ZNF592: variants seen among roughly 807,000 people sequenced by gnomAD.
ZNF592 encodes the protein zinc finger protein 592, also known as spinocerebellar ataxia, autosomal recessive 5.
In ZNF592, 11 loss-of-function variants were observed where a neutral mutation model predicts 80.3. The ratio of observed to expected loss-of-function variants is 0.14; its 90% CI spans 0.09 to 0.23. The LOEUF (loss-of-function observed/expected upper bound fraction) is 0.23, where lower values mean the gene tolerates loss of function less well. Among genes scored for constraint, ZNF592 ranks in the 10% least tolerant of loss-of-function variants. The pLI is 1.00. For missense variants in ZNF592, 1,420 were observed against 1,633.9 expected (o/e 0.87, Z 2.26); for synonymous variants, 646 against 640.3 (o/e 1.01, Z -0.13).
At chr15:84,790,556 G>A in intron 4 of ZNF592, 149 bp from the exon 5 acceptor site, 3 of 786,350 alleles carry the variant, frequency 3.8e-6, no homozygotes, top group Non-Finnish European at 6.5e-6. Flanking sequence ...AGGTCTAGGG[G>A]TGTCAGAAGT....
At chr15:84,749,767 T>C (rs562960385) in intron 1 of ZNF592, among the ~76,000 whole-genome samples, 162 of 152,282 alleles carry the variant, frequency 1.1e-3, no homozygotes, top group African/African-American at 3.7e-3. Flanking sequence ...CTTGGTGGTA[T>C]TTTAGTAGTC....
At chr15:84,793,597 C>T (rs1962811157) in intron 5 of ZNF592, among the ~76,000 whole-genome samples, 1 of 152,184 alleles carries the variant, frequency 6.6e-6, no homozygotes, top group South Asian at 2.1e-4. Context: ...AAGACATACA[C>T]AACACTACAG....
chr15:84,773,271 A>G (rs973547949), intron 2 of ZNF592, among the ~76,000 whole-genome samples: 2 of 144,502 alleles, frequency 1.4e-5, no homozygotes, highest in Admixed American at 7.1e-5. Flanking sequence ...GAGTGCAGTG[A>G]TGCGATCTCG....
At chr15:84,757,285 G>A (rs1207109973) in intron 1 of ZNF592, among the ~76,000 whole-genome samples, 1 of 151,590 alleles carries the variant, frequency 6.6e-6, no homozygotes, top group Non-Finnish European at 1.5e-5. Flanking sequence ...GGGACTACAG[G>A]TGTACCACTG....
chr15:84,792,584 G>A (rs778124114), intron 5 of ZNF592, among the ~76,000 whole-genome samples: 9 of 152,078 alleles, frequency 5.9e-5, no homozygotes, highest in South Asian at 2.1e-4. Context: ...CCAGGTAGCT[G>A]GGACTACAGG....
chr15:84,783,021 A>G lies in ZNF592; in HGVS notation c.346A>G (p.Asn116Asp), dbSNP rs1251217781. 1 of 1,614,054 alleles carries G rather than the reference A, an allele frequency of 6.2e-7. No homozygotes were observed. The highest frequency in any genetic ancestry group is 8.5e-7 in the Non-Finnish European group (1 of 1,180,004). The part of the protein sequence containing the change: ...NCGKFDSTFM[N>D]GDSARSFPGK... ...TGGGAAATTTGATTCTACTTTTATGAATGGAGACAGTGCCAGGAGTTTCCC... is the reference window on the plus strand; with the variant it reads ...TGGGAAATTTGATTCTACTTTTATGGATGGAGACAGTGCCAGGAGTTTCCC... Residue 116 changes from asparagine (N) to aspartate (D), a missense_variant, in exon 4 of 11, where the codon AAT becomes GAT. Physicochemically the swap from Asn to Asp is conservative, Grantham distance 23 (BLOSUM62 1). Around this residue, in one of 7 missense-constraint regions of ZNF592, gnomAD observed 373 missense variants for 355.5 expected, o/e 1.05. Transcript: ENST00000560079. The surrounding 1 kb of genome is among the most constrained non-coding windows in gnomAD (Gnocchi z 5.0).
intron 4 of ZNF592, among the ~76,000 whole-genome samples, chr15:84,788,839 G>A (rs546484276): frequency 1.3e-5 from 2 of 152,266 alleles, no homozygotes; most frequent in South Asian, 2.1e-4. Context: ...GAATCACACA[G>A]CATTTATCTT....
rs549979432 is a variant in ZNF592 at position 84,757,525 on chromosome 15, T to A, written c.-258-7182T>A. Among the ~76,000 whole-genome samples the A allele has an allele frequency of 8.5e-5, 13 of 152,208 alleles. No homozygotes were observed. The East Asian group carries it at 1.2e-3, about 14-fold the overall frequency. On this transcript the variant is annotated intron_variant, in intron 1 of 10. Transcript: ENST00000560079. ...GCCTGGTTAATTAGTTTTATTTTTT[T>A]ATTTATTTTGTAGAGACAGGATCTC...
At chr15:84,776,342 T>C (rs1235490664) in intron 2 of ZNF592, among the ~76,000 whole-genome samples, 8 of 152,288 alleles carry the variant, frequency 5.3e-5, no homozygotes, top group African/African-American at 1.9e-4. Context: ...TTATAGATAC[T>C]GGTGTATGCT....
At chr15:84,790,566 T>C in intron 4 of ZNF592, 139 bp from the exon 5 acceptor site, 2 of 848,712 alleles carry the variant, frequency 2.4e-6, no homozygotes, top group Non-Finnish European at 3.9e-6. Flanking sequence ...GTGTCAGAAG[T>C]GTCCAGGAGA....
intron 1 of ZNF592, among the ~76,000 whole-genome samples, chr15:84,759,735 C>T (rs77644353): frequency 0.018 from 2,715 of 152,202 alleles, 85 homozygotes; most frequent in African/African-American, 0.063. Context: ...AAGGGACACA[C>T]TTCTGCATGG....
At position 84,782,735 on chromosome 15, in the gene ZNF592, C is replaced by T. The variant is rs764763318; in HGVS notation, c.60C>T (p.Asp20=). The T allele has an allele frequency of 1.5e-5, 25 of 1,613,996 alleles. No individual in the cohort carries two copies. In the East Asian group the frequency reaches 5.6e-4, roughly 36 times the overall value. ...TTCTGGCTGCCTTTGACATCCCAGA[C>T]CCCACCAGCCTTGATGCCAAGGAGG... is the stretch of plus-strand genomic sequence containing the variant. ...DDLLAAFDIP[D]PTSLDAKEAI... is the part of the protein sequence containing the mutation. The change falls in exon 4 of 11, where the codon GAC becomes GAT. Residue 20 remains aspartate (D), a synonymous_variant. Coordinates refer to ENST00000560079, the MANE Select transcript of ZNF592 (RefSeq NM_014630.3).
rs367654438 is a variant in ZNF592, at chr15:84,752,736, C to T, written c.-259+4072C>T. On this transcript the variant is annotated intron_variant, in intron 1 of 10. Coordinates refer to ENST00000560079, the MANE Select transcript of ZNF592 (RefSeq NM_014630.3). Reference sequence around the variant, plus strand: ...AGTGGAGATAGATGTTATCGTGGGGCAGCTTTATTTGGGGGGCATCACTGT... The same window carrying T: ...AGTGGAGATAGATGTTATCGTGGGGTAGCTTTATTTGGGGGGCATCACTGT... 2.0e-3 allele frequency among the ~76,000 whole-genome samples: 298 copies of T among 152,236 alleles called. 3 individuals carry two copies. The highest frequency in any genetic ancestry group is 6.7e-3 in the African/African-American group (279 of 41,538).
intron 2 of ZNF592, among the ~76,000 whole-genome samples, chr15:84,768,141 C>A (rs1413591742): frequency 6.6e-6 from 1 of 151,316 alleles, no homozygotes; most frequent in Admixed American, 6.6e-5. Context: ...ATCTACCTGC[C>A]TTGGCCTCAC....
At chr15:84,757,573 C>T (rs1404178559) in intron 1 of ZNF592, among the ~76,000 whole-genome samples, 1 of 151,980 alleles carries the variant, frequency 6.6e-6, no homozygotes, top group Non-Finnish European at 1.5e-5. Flanking sequence ...AGGCTGGTTT[C>T]AAACTCCTGG....
Position 84,784,103 on chromosome 15 carries a change from C to G in ZNF592, c.1428C>G (p.Gly476=), listed in dbSNP as rs765947593. Residue 476 remains glycine (G), a synonymous_variant, in exon 4 of 11, where the codon GGC becomes GGG. Coordinates refer to ENST00000560079, the MANE Select transcript of ZNF592 (RefSeq NM_014630.3). The surrounding 1 kb of genome is among the most constrained non-coding windows in gnomAD (Gnocchi z 5.8). ...GPRVPKGAAP[G]SQTGKKQQST... is the part of the protein sequence containing the mutation. ...GGGTCCCAAAGGGGGCTGCCCCAGG[C>G]TCACAGACAGGCAAGAAGCAACAGA... 8 of 1,614,046 alleles carry G rather than the reference C, an allele frequency of 5.0e-6. No homozygotes were observed. The African/African-American group carries it at 1.1e-4, about 22-fold the overall frequency.
intron 5 of ZNF592, among the ~76,000 whole-genome samples, chr15:84,797,095 G>A (rs1037510650): frequency 1.3e-5 from 2 of 152,056 alleles, no homozygotes; most frequent in African/African-American, 4.8e-5. Flanking sequence ...TGAGTAGCTG[G>A]GATTACAGGC....
Position 84,798,294 on chromosome 15 carries a change from C to G in ZNF592, c.2577-21C>G, listed in dbSNP as rs1187596446. On this transcript the variant is annotated intron_variant, in intron 6 of 10. Coordinates refer to ENST00000560079, the MANE Select transcript of ZNF592 (RefSeq NM_014630.3). This position sits in a 1 kb window ranked among gnomAD's most constrained non-coding sequence, Gnocchi z 4.5. ...TGCATGGTGCCTTGGCCACCTCACC[C>G]CCTAGGGCTTGTCTCATCAGGCTCA... 2 of 1,613,888 alleles carry G rather than the reference C, an allele frequency of 1.2e-6. No individual in the cohort carries two copies. The highest frequency in any genetic ancestry group is 2.2e-5 in the East Asian group (1 of 44,892).
In ZNF592 at chr15:84,756,910, G is replaced by A. The variant is rs186222311; in HGVS notation, c.-258-7797G>A. ...GTGGATCACTTGAGGTCAGGAGTTC[G>A]AGACCAGCCTGGTCAACATGGTGAA... On this transcript the variant is annotated intron_variant, in intron 1 of 10. Coordinates refer to ENST00000560079, the MANE Select transcript of ZNF592 (RefSeq NM_014630.3). Among the ~76,000 whole-genome samples, 1,367 of 151,954 alleles carry A rather than the reference G, an allele frequency of 9.0e-3. 24 individuals are homozygous for A. The highest frequency in any genetic ancestry group is 0.031 in the African/African-American group (1,302 of 41,414).
Sources: allele counts gnomAD v4.1 joint callset (sites outside exome capture counted in the v4.1 genomes callset), GRCh38; gene constraint gnomAD v4.1.1; regional missense constraint gnomAD v4.1.1; non-coding constraint Gnocchi (gnomAD v3.1); transcripts MANE v1.5; gene names NCBI Gene and HGNC (gene_info 2026-07-23, HGNC 2026-07-21).